Variants in CEP104 observed in about 807,000 individuals in gnomAD.
CEP104 encodes centrosomal protein of 104 kDa.
CEP104 carries 84 observed loss-of-function variants against 113.3 expected under a neutral mutation model. That is an observed-to-expected ratio of 0.74 (90% CI 0.62 to 0.89). The LOEUF (loss-of-function observed/expected upper bound fraction) is 0.89, where lower values mean the gene tolerates loss of function less well. Among genes scored for constraint, CEP104 ranks in the 40% least tolerant of loss-of-function variants. CEP104 has a pLI of 0.00. For missense variants in CEP104, 1,053 were observed against 1,156.6 expected, an observed-to-expected ratio of 0.91 and a Z score of 1.30; for synonymous variants, 378 against 421.7, an observed-to-expected ratio of 0.90 and a Z score of 1.27.
chr1:3,837,027 A>G (rs1644327669), intron 9 of CEP104: 1 of 522,816 alleles, frequency 1.9e-6, no homozygotes, highest in South Asian at 2.7e-5. Flanking sequence ...TTTTTTTCTG[A>G]CAAGATCTCT....
At chr1:3,818,525 C>A (rs755084070) in intron 20 of CEP104, among the ~76,000 whole-genome samples, 5 of 152,194 alleles carry the variant, frequency 3.3e-5, no homozygotes, top group East Asian at 1.9e-4. Context: ...TACTACCCGA[C>A]CTCTCTGTCC....
rs59049727 is a variant in CEP104 at position 3,843,244 on chromosome 1, G to C, written c.566+1663C>G. 7,858 of 712,266 alleles carry C rather than the reference G, an allele frequency of 0.011. 466 individuals carry two copies. The African/African-American group carries it at 0.12, about 11-fold the overall frequency. 44.1% of individuals were successfully genotyped at this position (712,266 alleles called of 1,614,324 possible). A position where few individuals can be genotyped will look rare whatever the true frequency, so the allele number is the denominator to read the frequency against. ...AACCACTGTCCCAAAGAGGTGCCCA[G>C]GACAGAGAGGGTGACCGAGGATGGC... On this transcript the variant is annotated intron_variant, in intron 6 of 21. Coordinates refer to ENST00000378230, the MANE Select transcript of CEP104 (RefSeq NM_014704.4).
intron 9 of CEP104, 89 bp downstream of exon 9, chr1:3,837,203 C>T: frequency 9.2e-7 from 1 of 1,086,952 alleles, no homozygotes; most frequent in Non-Finnish European, 1.4e-6. Context: ...ACTCATGCAC[C>T]CCATGCATGG....
At chr1:3,844,709 G>GAAAAAAAAAAAAAAA (rs57165532) in intron 6 of CEP104, among the ~76,000 whole-genome samples, 198 bp downstream of exon 6, 3 of 93,008 alleles carry the variant, frequency 3.2e-5, no homozygotes, top group African/African-American at 6.3e-5. Flanking sequence ...AAAAAAAAAG[G>GAAAAAAAAAAAAAAA]AAAAAAATAA....
chr1:3,847,732 C>T, intron 3 of CEP104, 119 bp from the exon 4 acceptor site: 1 of 1,045,888 alleles, frequency 9.6e-7, no homozygotes, highest in East Asian at 2.5e-5. Flanking sequence ...TAAAGCTAGA[C>T]TACCCCTATG....
chr1:3,836,889 T>C (rs1427971413), intron 9 of CEP104, 197 bp from the exon 10 acceptor site: 2 of 583,952 alleles, frequency 3.4e-6, no homozygotes, highest in African/African-American at 1.9e-5. Context: ...TGAGGCTTTC[T>C]ATTACTTTCT....
intron 20 of CEP104, among the ~76,000 whole-genome samples, chr1:3,817,873 C>T (rs552939712): frequency 5.9e-5 from 9 of 152,350 alleles, no homozygotes; most frequent in East Asian, 3.9e-4. Context: ...GCTGCTGTCG[C>T]GAGAACGCCG....
intron 13 of CEP104, 147 bp downstream of exon 13, chr1:3,830,899 C>T (rs1205295595): frequency 3.8e-6 from 3 of 788,476 alleles, no homozygotes; most frequent in Non-Finnish European, 5.8e-6. Flanking sequence ...TGTGGGGGCC[C>T]CCATTTGTTG....
intron 15 of CEP104, among the ~76,000 whole-genome samples, chr1:3,827,638 A>C (rs1011203969): frequency 1.3e-5 from 2 of 152,254 alleles, no homozygotes; most frequent in African/African-American, 4.8e-5. Flanking sequence ...CACAGTGTGC[A>C]CTGAAAATGG....
chr1:3,825,398 T>C (rs986621572), intron 18 of CEP104, among the ~76,000 whole-genome samples: 3 of 152,192 alleles, frequency 2.0e-5, no homozygotes, highest in Non-Finnish European at 2.9e-5. Flanking sequence ...GAAGGTGCTG[T>C]GGTCCATTCA....
At chr1:3,856,424 G>T (rs1326433799) in intron 1 of CEP104, among the ~76,000 whole-genome samples, 2 of 152,150 alleles carry the variant, frequency 1.3e-5, no homozygotes, top group Non-Finnish European at 2.9e-5. Flanking sequence ...CGACTGAAAG[G>T]GCTTCAGAGA....
In CEP104 at chr1:3,826,551, T is replaced by C. The variant is rs890515957; in HGVS notation, c.2189-115A>G. 3.8e-6 allele frequency: 5 copies of C among 1,307,986 alleles called. No homozygotes were observed. The African/African-American group carries it at 7.3e-5, about 19-fold the overall frequency. 81.0% of individuals were successfully genotyped at this position (1,307,986 alleles called of 1,614,324 possible). The stretch of plus-strand genomic sequence containing the variant: ...ATACAAGTAAAAAGGTAGCATGTTT[T>C]CCATTCAGCTGGGAGATGGCTGAGG... On this transcript the variant is annotated intron_variant, in intron 16 of 21. Coordinates refer to ENST00000378230, the MANE Select transcript of CEP104 (RefSeq NM_014704.4).
intron 4 of CEP104, among the ~76,000 whole-genome samples, chr1:3,845,640 C>A (rs1644493126): frequency 6.6e-6 from 1 of 152,026 alleles, no homozygotes; most frequent in Non-Finnish European, 1.5e-5. Flanking sequence ...CCCTTTATAA[C>A]AAACTCTGAC....
chr1:3,821,684 T>C (rs12077996), intron 20 of CEP104, among the ~76,000 whole-genome samples: 5,485 of 152,182 alleles, frequency 0.036, 359 homozygotes, highest in African/African-American at 0.13. Flanking sequence ...ACCGAGCCTG[T>C]GCACACCTGA....
At chr1:3,824,877 C>A (rs34659788) in intron 18 of CEP104, among the ~76,000 whole-genome samples, 1 of 104,812 alleles carries the variant, frequency 9.5e-6, no homozygotes. Context: ...GTGGGAAGGG[C>A]GGCAGTGGCA....
chr1:3,852,226 A>G (rs964000811), intron 2 of CEP104, 69 bp downstream of exon 2: 8 of 1,447,152 alleles, frequency 5.5e-6, no homozygotes, highest in African/African-American at 1.4e-5. Flanking sequence ...GAATGAAAGG[A>G]GCCCCTGTAC....
At position 3,815,280 on chromosome 1, in the gene CEP104, C is replaced by T. The variant is rs1018002551; in HGVS notation, c.*122G>A. ...ACAGACGCGTAAGAGGCGTGCACGG[C>T]GGGGAGCTGGGGACAGCAGCCAGAG... On this transcript the variant is annotated 3_prime_UTR_variant, in exon 22 of 22. Coordinates refer to ENST00000378230, the MANE Select transcript of CEP104 (RefSeq NM_014704.4). 41 of 712,000 alleles carry T rather than the reference C, an allele frequency of 5.8e-5. No homozygotes were observed. The highest frequency in any genetic ancestry group is 3.3e-4 in the East Asian group (12 of 36,762). The allele number at this position is 712,000 out of a possible 1,614,324, so 44.1% of individuals were successfully genotyped here.
Position 3,829,224 on chromosome 1 carries a change from T to G in CEP104, c.2151+42A>C, listed in dbSNP as rs370817774. The G allele has an allele frequency of 4.4e-5, 59 of 1,349,240 alleles. 1 individual carries two copies. The highest frequency in any genetic ancestry group is 1.8e-4 in the South Asian group (13 of 72,200). The allele number at this position is 1,349,240 out of a possible 1,614,324, so 83.6% of individuals were successfully genotyped here. The stretch of plus-strand genomic sequence containing the variant: ...GTGGATCTATACAGCAAAATACATT[T>G]CAGCTAAAAGCACACAGGTGAAAGA... On this transcript the variant is annotated intron_variant, in intron 15 of 21. Transcript: ENST00000378230.
chr1:3,841,285 C>G (rs762049943), intron 6 of CEP104, among the ~76,000 whole-genome samples: 34 of 152,128 alleles, frequency 2.2e-4, no homozygotes, highest in Non-Finnish European at 3.5e-4. Context: ...GCACTCACAG[C>G]CCCCCTCTGG....
Sources: allele counts gnomAD v4.1 joint callset (sites outside exome capture counted in the v4.1 genomes callset), GRCh38; gene constraint gnomAD v4.1.1; transcripts MANE v1.5; gene names NCBI Gene and HGNC (gene_info 2026-07-23, HGNC 2026-07-21).